EYA1: variants seen among roughly 807,000 people sequenced by gnomAD.
EYA1 encodes EYA transcriptional coactivator and phosphatase 1.
EYA1 carries 16 observed loss-of-function variants against 82.0 expected under a neutral mutation model. The ratio of observed to expected loss-of-function variants is 0.20; its 90% CI spans 0.13 to 0.30. The LOEUF is 0.30. Among genes scored for constraint, EYA1 ranks in the 10% least tolerant of loss-of-function variants. The pLI is 1.00. For synonymous variants in EYA1, 261 were observed against 264.4 expected, an observed-to-expected ratio of 0.99 and a Z score of 0.12; for missense variants, 633 against 730.7, an observed-to-expected ratio of 0.87 and a Z score of 1.54.
chr8:71,542,591 C>A (rs1177854590), intron 1 of EYA1, among the ~76,000 whole-genome samples: 2 of 152,142 alleles, frequency 1.3e-5, no homozygotes, highest in African/African-American at 4.8e-5. Flanking sequence ...TAATGGGATT[C>A]CTGGGTCAAA....
chr8:71,370,855 G>A (rs1273702804), intron 2 of EYA1, among the ~76,000 whole-genome samples: 1 of 151,956 alleles, frequency 6.6e-6, no homozygotes, highest in Non-Finnish European at 1.5e-5. Context: ...AAACTCCTGA[G>A]CTCAAGCGAT....
intron 2 of EYA1, among the ~76,000 whole-genome samples, chr8:71,489,199 C>G (rs1013368537): frequency 5.9e-5 from 9 of 152,132 alleles, no homozygotes; most frequent in African/African-American, 2.2e-4. Flanking sequence ...GTTTGTGACT[C>G]TTTTTCTGGC....
Position 71,317,694 on chromosome 8 carries a change from A to G in EYA1, c.419-5T>C, listed in dbSNP as rs1169267075. The stretch of plus-strand genomic sequence containing the variant: ...TGATGCCTGCCCACAATGCACCTAA[A>G]TCAGTTAGTGATAGCTTATCTATCT... On this transcript the variant is annotated splice_region_variant and splice_polypyrimidine_tract_variant and intron_variant, in intron 6 of 17. Coordinates refer to ENST00000340726, the MANE Select transcript of EYA1 (RefSeq NM_000503.6). The G allele has an allele frequency of 9.3e-6, 15 of 1,613,864 alleles. No individual in the cohort carries two copies. The highest frequency in any genetic ancestry group is 1.3e-5 in the Non-Finnish European group (15 of 1,179,854).
At chr8:71,543,791 A>G (rs145107698) in intron 1 of EYA1, among the ~76,000 whole-genome samples, 99 of 152,346 alleles carry the variant, frequency 6.5e-4, no homozygotes, top group African/African-American at 2.3e-3. Flanking sequence ...GTTCTTTAAT[A>G]TTAAGATTCA....
intron 17 of EYA1, among the ~76,000 whole-genome samples, chr8:71,202,765 G>A (rs1244635328): frequency 6.6e-6 from 1 of 152,206 alleles, no homozygotes; most frequent in Non-Finnish European, 1.5e-5. Flanking sequence ...GCAGGGTAGT[G>A]ATGTCGGCTG....
At chr8:71,211,337 G>A (rs1808483435) in intron 16 of EYA1, 81 bp from the exon 17 acceptor site, 1 of 899,002 alleles carries the variant, frequency 1.1e-6, no homozygotes, top group Non-Finnish European at 1.9e-6. Flanking sequence ...TATATAAAAT[G>A]CTTTCTTCAT....
chr8:71,409,872 T>G (rs1256982769), intron 2 of EYA1, among the ~76,000 whole-genome samples: 2 of 134,540 alleles, frequency 1.5e-5, no homozygotes, highest in Non-Finnish European at 3.2e-5. Context: ...TAACTCATTT[T>G]ATGAGGCCAG....
intron 2 of EYA1, among the ~76,000 whole-genome samples, chr8:71,501,706 C>T (rs1811818126): frequency 6.6e-6 from 1 of 152,178 alleles, no homozygotes; most frequent in South Asian, 2.1e-4. Context: ...AATCCTGCCT[C>T]GGCTACACAA....
chr8:71,271,988 T>C (rs1816601726), intron 9 of EYA1, 91 bp from the exon 10 acceptor site: 4 of 1,341,690 alleles, frequency 3.0e-6, no homozygotes, highest in East Asian at 2.3e-5. Flanking sequence ...GGAGTTTCAA[T>C]AGTAAAGCAC....
intron 10 of EYA1, among the ~76,000 whole-genome samples, chr8:71,271,535 C>A (rs1816532596): frequency 6.6e-6 from 1 of 152,134 alleles, no homozygotes; most frequent in Non-Finnish European, 1.5e-5. Flanking sequence ...GAGAAACAGA[C>A]CCTTTGCCAT....
intron 2 of EYA1, among the ~76,000 whole-genome samples, chr8:71,460,910 C>A (rs145778257): frequency 0.01 from 1,594 of 152,210 alleles, 31 homozygotes; most frequent in African/African-American, 0.036. Context: ...AGCTGTAGCG[C>A]CTTTGAAGTC....
intron 1 of EYA1, among the ~76,000 whole-genome samples, chr8:71,545,919 C>G (rs1815528417): frequency 6.6e-6 from 1 of 152,168 alleles, no homozygotes; most frequent in South Asian, 2.1e-4. Flanking sequence ...TTCACAAATT[C>G]CAAATGGTGA....
chr8:71,208,692 A>G (rs909030901), intron 17 of EYA1, among the ~76,000 whole-genome samples: 4 of 151,810 alleles, frequency 2.6e-5, no homozygotes, highest in African/African-American at 9.7e-5. Flanking sequence ...TCAAACCTGC[A>G]CATTGTGCAC....
chr8:71,387,550 C>A (rs1459309190), intron 2 of EYA1, among the ~76,000 whole-genome samples: 1 of 152,052 alleles, frequency 6.6e-6, no homozygotes, highest in Non-Finnish European at 1.5e-5. Context: ...AAAACATTTA[C>A]AGTTAAATTA....
chr8:71,224,651 G>T (rs1427234556), intron 12 of EYA1, among the ~76,000 whole-genome samples: 4 of 152,194 alleles, frequency 2.6e-5, no homozygotes, highest in Admixed American at 6.5e-5. Context: ...CACATAAATT[G>T]TCTGAAAGCT....
intron 11 of EYA1, among the ~76,000 whole-genome samples, chr8:71,258,696 T>C (rs950915575): frequency 6.6e-6 from 1 of 152,228 alleles, no homozygotes; most frequent in Non-Finnish European, 1.5e-5. Flanking sequence ...CTCATTTTAT[T>C]TTGTTGCCCA....
chr8:71,247,661 T>G (rs1251322743), intron 11 of EYA1, among the ~76,000 whole-genome samples: 1 of 152,214 alleles, frequency 6.6e-6, no homozygotes, highest in Non-Finnish European at 1.5e-5. Flanking sequence ...ACTCATTTAC[T>G]CTTGGATTTA....
intron 2 of EYA1, among the ~76,000 whole-genome samples, chr8:71,397,275 T>A (rs1228367335): frequency 6.6e-6 from 1 of 152,232 alleles, no homozygotes; most frequent in Non-Finnish European, 1.5e-5. Flanking sequence ...ATTGGAGCAT[T>A]TAGCCTATTT....
chr8:71,527,864 A>C lies in EYA1; in HGVS notation c.33+7880T>G, dbSNP rs60822737. 4.6e-3 allele frequency among the ~76,000 whole-genome samples: 706 copies of C among 152,240 alleles called. 5 individuals carry two copies. The highest frequency in any genetic ancestry group is 0.016 in the African/African-American group (674 of 41,546). ...GCCCTGGAAGCCTATAATATTTCCT[A>C]TCTGGTCCTTTATAGAATAAATTAA... On this transcript the variant is annotated intron_variant, in intron 2 of 18. Coordinates refer to the EYA1 transcript ENST00000643681.
Sources: allele counts gnomAD v4.1 joint callset (sites outside exome capture counted in the v4.1 genomes callset), GRCh38; gene constraint gnomAD v4.1.1; transcripts MANE v1.5; gene names NCBI Gene and HGNC (gene_info 2026-07-23, HGNC 2026-07-21).